Variants in SP7 observed in about 807,000 individuals in gnomAD.
SP7 encodes Sp7 transcription factor, also known as transcription factor Sp7.
Under a neutral mutation model 27.9 loss-of-function variants are expected in SP7, and 13 were observed. That is an observed-to-expected ratio of 0.47 (90% CI 0.30 to 0.74). The LOEUF is 0.74. Among genes scored for constraint, SP7 ranks in the 30% least tolerant of loss-of-function variants. SP7 has a pLI of 0.06. For synonymous variants in SP7, 219 were observed against 226.7 expected (o/e 0.97, Z 0.31); for missense variants, 525 against 558.0 (o/e 0.94, Z 0.60).
chr12:53,329,339 C>G lies in SP7; in HGVS notation c.103G>C (p.Asp35His). The G allele has an allele frequency of 6.2e-7, 1 of 1,613,954 alleles. No homozygotes were observed. Among genetic ancestry groups the G allele is most frequent in the Non-Finnish European group, 8.5e-7 (1 of 1,179,882 alleles). ...SKFGGSSPLRDSTTLGKAGTK... is the reference protein window; with the variant it reads ...SKFGGSSPLRHSTTLGKAGTK... ...CCTGCTTTGCCCAGAGTTGTTGAGT[C>G]CCGCAGAGGGCTAGAGCCACCAAAT... The change falls in exon 3 of 3, where the codon GAC becomes CAC. Residue 35 changes from aspartate to histidine, a missense_variant. By Grantham distance (81) the Asp-to-His change is moderately conservative. Transcript: ENST00000536324.
chr12:53,328,714 C>T lies in SP7; in HGVS notation c.728G>A (p.Ser243Asn). Residue 243 changes from serine to asparagine, a missense_variant, in exon 3 of 3, where the codon AGT becomes AAT. Ser to Asn is a conservative substitution (Grantham distance 46). Transcript: ENST00000536324. This position sits in a 1 kb window ranked among gnomAD's most constrained non-coding sequence, Gnocchi z 5.1. ...AVGNSGQLEGSGGAKPPRGAS... is the reference protein window; with the variant it reads ...AVGNSGQLEGNGGAKPPRGAS... ...ACCCCGTGGGGGTTTGGCTCCACCACTCCCTTCTAGCTGCCCACTATTTCC... is the reference window on the plus strand; with the variant it reads ...ACCCCGTGGGGGTTTGGCTCCACCATTCCCTTCTAGCTGCCCACTATTTCC... The T allele has an allele frequency of 2.5e-6, 4 of 1,606,190 alleles. No individual in the cohort carries two copies. Among genetic ancestry groups the T allele is most frequent in the Non-Finnish European group, 3.4e-6 (4 of 1,174,306 alleles).
rs1417821906 is a variant in SP7, at chr12:53,328,996, G to A, written c.446C>T (p.Pro149Leu). 1 of 1,613,402 alleles carries A rather than the reference G, an allele frequency of 6.2e-7. No individual in the cohort carries two copies. Among genetic ancestry groups the A allele is most frequent in the South Asian group, 1.1e-5 (1 of 91,046 alleles). Reference sequence around the variant, plus strand: ...TGGAGTAGGAGTGTTGCCTGGGCCTGGTGAAATGCCTGCATGGATGCCTGC... The same window carrying A: ...TGGAGTAGGAGTGTTGCCTGGGCCTAGTGAAATGCCTGCATGGATGCCTGC... ...YKAGIHAGIS[P>L]GPGNTPTPWW... is the part of the protein sequence containing the mutation. Residue 149 changes from proline to leucine, a missense_variant, in exon 3 of 3, where the codon CCA becomes CTA. By Grantham distance (98) the Pro-to-Leu change is moderately conservative. Transcript: ENST00000536324. The surrounding 1 kb of genome is among the most constrained non-coding windows in gnomAD (Gnocchi z 5.1).
At position 53,344,648 on chromosome 12, in the gene SP7, G is replaced by A. The variant is rs1592539969; in HGVS notation, c.-34+466C>T. Among the ~76,000 whole-genome samples, 1 of 152,170 alleles carries A rather than the reference G, an allele frequency of 6.6e-6. No homozygotes were observed. On this transcript the variant is annotated intron_variant, in intron 1 of 1. Coordinates refer to the SP7 transcript ENST00000547755. The surrounding 1 kb of genome is among the most constrained non-coding windows in gnomAD (Gnocchi z 4.6). ...GTTGAAGCTGAGGCAGGATTTGGGG[G>A]GTCTTAGCCCCCAGCCACAGCTGTG...
Position 53,328,449 on chromosome 12 carries a change from G to A in SP7, c.993C>T (p.Cys331=), listed in dbSNP as rs116856142. 0.012 allele frequency: 20,052 copies of A among 1,613,890 alleles called. 202 individuals carry two copies. The highest frequency in any genetic ancestry group is 0.013 in the Non-Finnish European group (15,510 of 1,179,878). Residue 331 remains cysteine, a synonymous_variant, in exon 3 of 3, where the codon TGC becomes TGT. Coordinates refer to ENST00000536324, the MANE Select transcript of SP7 (RefSeq NM_001173467.3). This position sits in a 1 kb window ranked among gnomAD's most constrained non-coding sequence, Gnocchi z 5.1. The part of the protein sequence containing the change: ...ERPFVCNWLF[C]GKRFTRSDEL... The stretch of plus-strand genomic sequence containing the variant: ...CATCCGAACGAGTGAACCTCTTGCC[G>A]CAGAAGAGCCAGTTGCAGACGAAGG...
chr12:53,339,725 C>CAAA (rs1396632595), upstream of SP7, among the ~76,000 whole-genome samples: 2 of 65,374 alleles, frequency 3.1e-5, no homozygotes, highest in East Asian at 8.0e-4. Flanking sequence ...AACTCCATCT[C>CAAA]AAAAAAAAAA....
intron 1 of SP7, among the ~76,000 whole-genome samples, chr12:53,343,872 C>T (rs1305633813): frequency 6.6e-6 from 1 of 151,866 alleles, no homozygotes; most frequent in African/African-American, 2.4e-5. Context: ...TGGTGAAACC[C>T]CTTCTCTACT....
chr12:53,340,820 G>C (rs1455364688), upstream of SP7, among the ~76,000 whole-genome samples: 1 of 152,174 alleles, frequency 6.6e-6, no homozygotes, highest in Non-Finnish European at 1.5e-5. Flanking sequence ...AACAACAAAT[G>C]GTGGGCATAC....
chr12:53,341,199 C>G (rs911182829), upstream of SP7, among the ~76,000 whole-genome samples: 32 of 152,244 alleles, frequency 2.1e-4, no homozygotes, highest in African/African-American at 7.0e-4. Context: ...ATCCCCTCTT[C>G]CAGCACCAGG....
chr12:53,339,291 C>A (rs1311754862), upstream of SP7, among the ~76,000 whole-genome samples: 2 of 152,170 alleles, frequency 1.3e-5, no homozygotes, highest in African/African-American at 4.8e-5. Context: ...ACCACAGGAA[C>A]CATTCCCTTC....
At chr12:53,335,112 C>G (rs535559068) in intron 2 of SP7, among the ~76,000 whole-genome samples, 10 of 152,018 alleles carry the variant, frequency 6.6e-5, no homozygotes, top group Non-Finnish European at 1.3e-4. Context: ...CACCAGCTCA[C>G]GGGCCCAGCC....
In SP7 at chr12:53,329,203, C is replaced by A; in HGVS notation, c.239G>T (p.Ser80Ile). 1 of 1,613,794 alleles carries A rather than the reference C, an allele frequency of 6.2e-7. No homozygotes were observed. The highest frequency in any genetic ancestry group is 8.5e-7 in the Non-Finnish European group (1 of 1,179,864). Residue 80 changes from serine (S) to isoleucine (I), a missense_variant, in exon 3 of 3, where the codon AGT becomes ATT. Ser to Ile is a moderately radical substitution (Grantham distance 142). Transcript: ENST00000536324. ...ATAGCCTGAGGTGGGTGCTGGAGGA[C>A]TGCCTGCAGGTGAAAGGAGCCCATT... ...STNGLLSPAG[S>I]PPAPTSGYAN...
upstream of SP7, among the ~76,000 whole-genome samples, chr12:53,338,549 A>C (rs1263735296): frequency 1.3e-5 from 2 of 152,076 alleles, no homozygotes; most frequent in Non-Finnish European, 2.9e-5. Context: ...TGGAAAGATA[A>C]ATGGACAGAC....
At chr12:53,339,300 T>C (rs1944802426), upstream of SP7, among the ~76,000 whole-genome samples, 1 of 152,120 alleles carries the variant, frequency 6.6e-6, no homozygotes, top group African/African-American at 2.4e-5. Context: ...ACCATTCCCT[T>C]CCCACCCTCC....
chr12:53,330,278 C>T (rs1944689284), intron 2 of SP7, among the ~76,000 whole-genome samples: 1 of 152,124 alleles, frequency 6.6e-6, no homozygotes, highest in Admixed American at 6.6e-5. Context: ...AACTGATGAC[C>T]TCAAGTGACC....
upstream of SP7, among the ~76,000 whole-genome samples, chr12:53,338,555 C>A (rs1326399767): frequency 1.3e-5 from 2 of 152,130 alleles, no homozygotes; most frequent in African/African-American, 4.8e-5. Context: ...GATAAATGGA[C>A]AGACAGGGCT....
intron 2 of SP7, among the ~76,000 whole-genome samples, chr12:53,330,342 C>T (rs1345202980): frequency 1.3e-5 from 2 of 152,252 alleles, no homozygotes; most frequent in Admixed American, 6.5e-5. Context: ...TGTGAGCCAC[C>T]GCACCCAGCC....
rs376310623 is a variant in SP7 at position 53,329,275 on chromosome 12, G to A, written c.167C>T (p.Ala56Val). The part of the protein sequence containing the change: ...KPYSVGSDLS[A>V]SKTMGDAYPA... The stretch of plus-strand genomic sequence containing the variant: ...ATAAGCATCCCCCATGGTTTTGGAG[G>A]CTGAAAGGTCACTGCCCACAGAGTA... Residue 56 changes from alanine to valine, a missense_variant, in exon 3 of 3, where the codon GCC becomes GTC. Coordinates refer to ENST00000536324, the MANE Select transcript of SP7 (RefSeq NM_001173467.3). 15 of 1,613,734 alleles carry A rather than the reference G, an allele frequency of 9.3e-6. No individual in the cohort carries two copies. Among genetic ancestry groups the A allele is most frequent in the Non-Finnish European group, 1.3e-5 (15 of 1,179,896 alleles).
At position 53,344,582 on chromosome 12, in the gene SP7, T is replaced by C. The variant is rs1944847549; in HGVS notation, c.-34+532A>G. On this transcript the variant is annotated intron_variant, in intron 1 of 1. Transcript: ENST00000547755. This position sits in a 1 kb window ranked among gnomAD's most constrained non-coding sequence, Gnocchi z 4.6. ...TTCAAAGCGCTGTTCAATGCCCCCA[T>C]CCACCCCCACCTCGCGTGGACGTGT... is the stretch of plus-strand genomic sequence containing the variant. 6.6e-6 allele frequency among the ~76,000 whole-genome samples: 1 copy of C among 152,022 alleles called. No homozygotes were observed. The highest frequency in any genetic ancestry group is 1.5e-5 in the Non-Finnish European group (1 of 68,000).
chr12:53,339,021 C>T (rs916693972), upstream of SP7, among the ~76,000 whole-genome samples: 3 of 152,164 alleles, frequency 2.0e-5, no homozygotes, highest in African/African-American at 7.2e-5. Flanking sequence ...CCTCTCAGGC[C>T]TCCCTCAGCC....
Sources: gnomAD v4.1 joint callset for allele counts (sites outside exome capture counted in the v4.1 genomes callset) on GRCh38, gnomAD v4.1.1 for gene constraint, Gnocchi (gnomAD v3.1) non-coding constraint, MANE v1.5 for transcripts, NCBI Gene and HGNC (gene_info 2026-07-23, HGNC 2026-07-21) for gene names.